The following UNC13D variants were observed in gnomAD, a reference collection of about 807,000 sequenced individuals.
UNC13D encodes unc-13 homolog D, also known as protein unc-13 homolog D.
A neutral mutation model predicts 151.7 loss-of-function variants in UNC13D; 115 were observed. The observed-to-expected ratio is 0.76, with a 90% CI of 0.65 to 0.88. The LOEUF is 0.88. Ranked by LOEUF, UNC13D falls within the 40% of genes least tolerant of loss-of-function variation. The pLI is 0.00. For synonymous variants in UNC13D, 588 were observed against 612.2 expected (o/e 0.96, Z 0.58); for missense variants, 1,369 against 1,438.7 (o/e 0.95, Z 0.78).
At position 75,832,535 on chromosome 17, in the gene UNC13D, G is replaced by A. The variant is rs1027578304; in HGVS notation, c.2447+431C>T. 2.5e-4 allele frequency: 41 copies of A among 163,076 alleles called. No homozygotes were observed. Among genetic ancestry groups the A allele is most frequent in the African/African-American group, 9.0e-4 (38 of 42,048 alleles). 10.1% of individuals were successfully genotyped at this position (163,076 alleles called of 1,614,324 possible). A position where few individuals can be genotyped will look rare whatever the true frequency, so the allele number is the denominator to read the frequency against. On this transcript the variant is annotated intron_variant, in intron 25 of 31. Coordinates refer to ENST00000207549, the MANE Select transcript of UNC13D (RefSeq NM_199242.3). The surrounding 1 kb of genome is among the most constrained non-coding windows in gnomAD (Gnocchi z 4.3). ...CCTAGCTAGAAGTTCTCCCTGCACC[G>A]TGGGCAGGGACCACCTGTAACCTAA...
intron 1 of UNC13D, chr17:75,843,792 T>C (rs1049438821): frequency 7.2e-6 from 10 of 1,396,250 alleles, no homozygotes; most frequent in Non-Finnish European, 8.4e-6. Flanking sequence ...GAAACAGCTC[T>C]GCTTATCAGT....
chr17:75,842,987 C>A, intron 4 of UNC13D, 27 bp downstream of exon 4: 1 of 1,612,888 alleles, frequency 6.2e-7, no homozygotes, highest in East Asian at 2.2e-5. Flanking sequence ...CCCCTCCTTG[C>A]CCAGGGGGAC....
intron 21 of UNC13D, 45 bp downstream of exon 21, chr17:75,834,875 G>A (rs748284451): frequency 6.2e-7 from 1 of 1,613,598 alleles, no homozygotes; most frequent in Non-Finnish European, 8.5e-7. Context: ...GTGGTAGTGT[G>A]GCTGTTCTAG....
chr17:75,834,434 G>T lies in UNC13D; in HGVS notation c.2189C>A (p.Ala730Asp). 6.4e-7 allele frequency: 1 copy of T among 1,566,964 alleles called. No homozygotes were observed. Among genetic ancestry groups the T allele is most frequent in the Non-Finnish European group, 8.6e-7 (1 of 1,161,586 alleles). Residue 730 changes from alanine (A) to aspartate (D), a missense_variant, in exon 23 of 32, where the codon GCC (alanine) becomes GAC (aspartate). Around this residue, in one of 3 missense-constraint regions of UNC13D, gnomAD observed 807 missense variants for 795.5 expected, o/e 1.01. Coordinates refer to ENST00000207549, the MANE Select transcript of UNC13D (RefSeq NM_199242.3). ...CTGCAGCTGCCCCTGCTCCAGCACG[G>T]CCCCTACCCGCTGCTCCAGGGCCTC... is the stretch of plus-strand genomic sequence containing the variant. ...AWEALEQRVG[A>D]VLEQGQLQNT...
At chr17:75,830,759 T>C in intron 27 of UNC13D, 98 bp from the exon 28 acceptor site, 13 of 1,404,056 alleles carry the variant, frequency 9.3e-6, no homozygotes, top group Non-Finnish European at 1.3e-5. Context: ...AACATGTCCG[T>C]TTGAAATGGA....
chr17:75,840,477 C>T lies in UNC13D; in HGVS notation c.753+30G>A, dbSNP rs755565016. 14 of 1,613,680 alleles carry T rather than the reference C, an allele frequency of 8.7e-6. No individual in the cohort carries two copies. The highest frequency in any genetic ancestry group is 1.1e-5 in the Non-Finnish European group (13 of 1,179,778). ...CTCCCAACCCCCTCCCTCTGCCTCGCTCCTGGGCCCCTTTCCTCATCCTCC... is the reference window on the plus strand; with the variant it reads ...CTCCCAACCCCCTCCCTCTGCCTCGTTCCTGGGCCCCTTTCCTCATCCTCC... On this transcript the variant is annotated intron_variant, in intron 9 of 31. Coordinates refer to ENST00000207549, the MANE Select transcript of UNC13D (RefSeq NM_199242.3). The surrounding 1 kb of genome is among the most constrained non-coding windows in gnomAD (Gnocchi z 4.6).
chr17:75,829,114 T>TGG, intron 30 of UNC13D, 131 bp from the exon 31 acceptor site: 2 of 1,178,624 alleles, frequency 1.7e-6, no homozygotes, highest in Non-Finnish European at 2.4e-6. Flanking sequence ...GCCTGGCACC[T>TGG]CTCAGCCATG....
At position 75,840,193 on chromosome 17, in the gene UNC13D, G is replaced by A. The variant is rs748302236; in HGVS notation, c.858+32C>T. ...AACCCAGCAGACCGCCGCAAGAGCT[G>A]GGCATGGCCACTGGCCCAGTACCCG... On this transcript the variant is annotated intron_variant, in intron 10 of 31. Transcript: ENST00000207549. This position sits in a 1 kb window ranked among gnomAD's most constrained non-coding sequence, Gnocchi z 4.6. 16 of 1,613,024 alleles carry A rather than the reference G, an allele frequency of 9.9e-6. No individual in the cohort carries two copies. Among genetic ancestry groups the A allele is most frequent in the African/African-American group, 1.3e-5 (1 of 74,916 alleles).
chr17:75,836,124 G>A lies in UNC13D; in HGVS notation c.1447-15C>T, dbSNP rs2143880736. Reference sequence around the variant, plus strand: ...TCCGGGATGCCCTGCAGAGACAGAGGTGGGCTGGGCAGGGCTGCCAGAGGC... The same window carrying A: ...TCCGGGATGCCCTGCAGAGACAGAGATGGGCTGGGCAGGGCTGCCAGAGGC... On this transcript the variant is annotated splice_polypyrimidine_tract_variant and intron_variant, in intron 16 of 31. Transcript: ENST00000207549. 1 of 1,612,928 alleles carries A rather than the reference G, an allele frequency of 6.2e-7. No individual in the cohort carries two copies. The highest frequency in any genetic ancestry group is 1.1e-5 in the South Asian group (1 of 91,088).
intron 12 of UNC13D, among the ~76,000 whole-genome samples, chr17:75,838,099 C>T (rs905193981): frequency 1.3e-5 from 2 of 152,206 alleles, no homozygotes; most frequent in African/African-American, 2.4e-5. Context: ...CTGACCCCAG[C>T]CCAGAAATGC....
At chr17:75,842,657 G>C (rs776654966) in intron 5 of UNC13D, 44 bp from the exon 6 acceptor site, 1 of 1,608,550 alleles carries the variant, frequency 6.2e-7, no homozygotes, top group Non-Finnish European at 8.5e-7. Flanking sequence ...GAGTCGGCTG[G>C]GTCCCTGGGA....
rs1326185335 is a variant in UNC13D at position 75,838,911 on chromosome 17, T to C, written c.1055+928A>G. Among the ~76,000 whole-genome samples the C allele has an allele frequency of 2.0e-5, 3 of 151,540 alleles. No homozygotes were observed. The East Asian group carries it at 5.9e-4, about 30-fold the overall frequency. Reference sequence around the variant, plus strand: ...GTCAGGAGATCGAGACCATCCTGGCTAACACGGTGAAACCCCATCTCTACT... The same window carrying C: ...GTCAGGAGATCGAGACCATCCTGGCCAACACGGTGAAACCCCATCTCTACT... On this transcript the variant is annotated intron_variant, in intron 12 of 31. Transcript: ENST00000207549.
rs770890282 is a variant in UNC13D, at chr17:75,840,367, C to A, written c.754-38G>T. 5 of 1,610,962 alleles carry A rather than the reference C, an allele frequency of 3.1e-6. No homozygotes were observed. Among genetic ancestry groups the A allele is most frequent in the Non-Finnish European group, 4.2e-6 (5 of 1,178,214 alleles). Reference sequence around the variant, plus strand: ...GATGCCCAGCCCGTGAGCGTCAGAACCTCATAGAGTCGGGGCAGCGGAGGC... The same window carrying A: ...GATGCCCAGCCCGTGAGCGTCAGAAACTCATAGAGTCGGGGCAGCGGAGGC... On this transcript the variant is annotated intron_variant, in intron 9 of 31. Transcript: ENST00000207549. The surrounding 1 kb of genome is among the most constrained non-coding windows in gnomAD (Gnocchi z 4.6).
chr17:75,843,076 G>C lies in UNC13D; in HGVS notation c.262-3C>G. ...TCCTCGGGCTCCACGTGGAAGGCCT[G>C]GTGGGGAGGCAGGCGGGTGGGTGGC... On this transcript the variant is annotated splice_region_variant and splice_polypyrimidine_tract_variant and intron_variant, in intron 3 of 31. Transcript: ENST00000207549. 1 of 1,606,326 alleles carries C rather than the reference G, an allele frequency of 6.2e-7. No individual in the cohort carries two copies. Among genetic ancestry groups the C allele is most frequent in the South Asian group, 1.1e-5 (1 of 91,024 alleles).
chr17:75,828,725 G>A, intron 31 of UNC13D, 62 bp downstream of exon 31: 1 of 1,432,956 alleles, frequency 7.0e-7, no homozygotes, highest in Non-Finnish European at 9.2e-7. Flanking sequence ...CCTCTCTGGG[G>A]CCCCTGCCTG....
At chr17:75,843,692 C>T (rs764242671) in intron 1 of UNC13D, 173 bp from the exon 2 acceptor site, 9 of 1,459,816 alleles carry the variant, frequency 6.2e-6, no homozygotes, top group East Asian at 5.0e-5. Context: ...CCTGGAGGTC[C>T]GTCCCTGGGC....
At chr17:75,842,409 G>T (rs1029362099) in intron 6 of UNC13D, 24 bp downstream of exon 6, 7 of 1,602,432 alleles carry the variant, frequency 4.4e-6, no homozygotes, top group Non-Finnish European at 6.0e-6. Flanking sequence ...TGGATAGAGT[G>T]GGGGCTGGAG....
chr17:75,831,453 C>A, intron 25 of UNC13D, 105 bp from the exon 26 acceptor site: 4 of 1,041,862 alleles, frequency 3.8e-6, no homozygotes, highest in Non-Finnish European at 5.6e-6. Context: ...CCCAGCCCCA[C>A]CCCAGCTCCT....
chr17:75,827,326 A>G lies in UNC13D; in HGVS notation c.*639T>C, dbSNP rs2143856690. On this transcript the variant is annotated 3_prime_UTR_variant, in exon 32 of 32. Coordinates refer to ENST00000207549, the MANE Select transcript of UNC13D (RefSeq NM_199242.3). ...AGGGGGCGTGCGCAGCAGACACAGCAGCCAAACTGTCCTTTCTGCTTCCGT... is the reference window on the plus strand; with the variant it reads ...AGGGGGCGTGCGCAGCAGACACAGCGGCCAAACTGTCCTTTCTGCTTCCGT... 1.1e-6 allele frequency: 1 copy of G among 899,116 alleles called. No homozygotes were observed. The highest frequency in any genetic ancestry group is 1.5e-6 in the Non-Finnish European group (1 of 646,474). 55.7% of individuals were successfully genotyped at this position (899,116 alleles called of 1,614,324 possible).
Sources: gnomAD v4.1 joint callset for allele counts (sites outside exome capture counted in the v4.1 genomes callset) on GRCh38, gnomAD v4.1.1 for gene constraint, gnomAD v4.1.1 regional missense constraint, Gnocchi (gnomAD v3.1) non-coding constraint, MANE v1.5 for transcripts, NCBI Gene and HGNC (gene_info 2026-07-23, HGNC 2026-07-21) for gene names.